PHACTR4: variants seen among roughly 807,000 people sequenced by gnomAD.
The protein encoded by PHACTR4 is phosphatase and actin regulator 4, also known as protein phosphatase 1, regulatory subunit 124.
In PHACTR4, 51 loss-of-function variants were observed where a neutral mutation model predicts 72.7. That is an observed-to-expected ratio of 0.70 (90% confidence interval 0.56 to 0.89). The LOEUF is 0.89. PHACTR4 is among the 40% of genes least tolerant of loss of function. The pLI, the probability that PHACTR4 is intolerant of heterozygous loss-of-function variation, is 0.00. For missense variants in PHACTR4, 731 were observed against 861.8 expected, an observed-to-expected ratio of 0.85 and a Z score of 1.90; for synonymous variants, 255 against 302.5, an observed-to-expected ratio of 0.84 and a Z score of 1.63.
Position 28,458,108 on chromosome 1 carries a change from TTGTGTGTG to T in PHACTR4, c.17-935_17-928del, listed in dbSNP as rs539564108. On this transcript the variant is annotated intron_variant, in intron 2 of 13. Transcript: ENST00000373839. ...ATCCTTAATATTATGGTGTGTGTGT[TTGTGTGTG>T]TGTGTGTGTGTGTGTGTGTGTGTGT... Among the ~76,000 whole-genome samples the T allele has an allele frequency of 7.5e-3, 908 of 120,336 alleles. 10 individuals are homozygous for T. Among genetic ancestry groups the T allele is most frequent in the South Asian group, 0.022 (82 of 3,802 alleles). The allele number at this position is 120,336 out of a possible 152,430, so 78.9% of individuals were successfully genotyped here.
At chr1:28,443,532 CA>C (rs1429594942) in intron 2 of PHACTR4, among the ~76,000 whole-genome samples, 18 of 152,114 alleles carry the variant, frequency 1.2e-4, no homozygotes, top group Non-Finnish European at 2.2e-4. Flanking sequence ...ACTGCAGCTT[CA>C]GCCTCCTAGA....
At chr1:28,454,318 C>T (rs1658207817) in intron 2 of PHACTR4, among the ~76,000 whole-genome samples, 1 of 146,872 alleles carries the variant, frequency 6.8e-6, no homozygotes. Context: ...GCTCTGTCGC[C>T]CAGGCTGGAG....
chr1:28,448,592 A>T (rs1657656886), intron 2 of PHACTR4, among the ~76,000 whole-genome samples: 2 of 118,494 alleles, frequency 1.7e-5, no homozygotes, highest in African/African-American at 4.9e-5. Context: ...CTCTACTTAA[A>T]AAAAAAAAAA....
chr1:28,447,501 T>C (rs1657572411), intron 2 of PHACTR4, among the ~76,000 whole-genome samples: 1 of 151,794 alleles, frequency 6.6e-6, no homozygotes, highest in Non-Finnish European at 1.5e-5. Flanking sequence ...GTGATTCTCC[T>C]GCCTCAGCCT....
Position 28,495,277 on chromosome 1 carries a change from T to A in PHACTR4, c.2094-1257T>A, listed in dbSNP as rs866069716. On this transcript the variant is annotated intron_variant, in intron 13 of 13. Transcript: ENST00000373839. Reference sequence around the variant, plus strand: ...CCTCAATGAGGCTTTATTCTTTTTTTTTCTTTTTTTAATAGAGATGGGGTC... The same window carrying A: ...CCTCAATGAGGCTTTATTCTTTTTTATTCTTTTTTTAATAGAGATGGGGTC... Among the ~76,000 whole-genome samples the A allele has an allele frequency of 3.3e-5, 5 of 152,280 alleles. No individual in the cohort carries two copies. The South Asian group carries it at 8.3e-4, about 25-fold the overall frequency.
intron 13 of PHACTR4, among the ~76,000 whole-genome samples, chr1:28,495,841 T>A (rs1487543512): frequency 2.0e-5 from 3 of 151,872 alleles, no homozygotes; most frequent in Non-Finnish European, 4.4e-5. Flanking sequence ...GCTCTCAAAC[T>A]CCTGGTCTCA....
At chr1:28,449,201 A>G (rs1485832853) in intron 2 of PHACTR4, among the ~76,000 whole-genome samples, 1 of 151,916 alleles carries the variant, frequency 6.6e-6, no homozygotes, top group East Asian at 1.9e-4. Flanking sequence ...GTGCACCCCT[A>G]GAGCCCCAGT....
chr1:28,370,284 G>C (rs1011824924), intron 1 of PHACTR4, among the ~76,000 whole-genome samples: 1 of 152,196 alleles, frequency 6.6e-6, no homozygotes, highest in Admixed American at 6.5e-5. Flanking sequence ...GGGCAGAACG[G>C]GGGCTTCGGA....
At chr1:28,485,930 C>A (rs1660615729) in intron 9 of PHACTR4, among the ~76,000 whole-genome samples, 1 of 151,872 alleles carries the variant, frequency 6.6e-6, no homozygotes, top group East Asian at 1.9e-4. Flanking sequence ...CTGTATTGTA[C>A]ACTTAAAAGT....
At chr1:28,456,993 G>A (rs144154679) in intron 2 of PHACTR4, among the ~76,000 whole-genome samples, 2 of 152,200 alleles carry the variant, frequency 1.3e-5, no homozygotes, top group East Asian at 3.9e-4. Flanking sequence ...AAGTAATTGA[G>A]ACCCAGAATG....
chr1:28,395,870 C>T (rs1411920174), intron 1 of PHACTR4, among the ~76,000 whole-genome samples: 1 of 117,408 alleles, frequency 8.5e-6, no homozygotes, highest in Non-Finnish European at 1.6e-5. Context: ...ACCGTGTTAG[C>T]CAGGATGGTC....
chr1:28,413,522 A>T (rs139089824), intron 2 of PHACTR4, among the ~76,000 whole-genome samples: 1,798 of 152,290 alleles, frequency 0.012, 8 homozygotes, highest in Non-Finnish European at 0.017. Context: ...ACCTCCTGGA[A>T]TAATTATCTA....
chr1:28,401,320 T>TG (rs1417223689), intron 1 of PHACTR4, among the ~76,000 whole-genome samples: 14 of 123,308 alleles, frequency 1.1e-4, no homozygotes, highest in Non-Finnish European at 1.4e-4. Flanking sequence ...TTTTTTTTTT[T>TG]GGGGGGGATG....
chr1:28,479,623 C>T (rs1660148613), intron 8 of PHACTR4, among the ~76,000 whole-genome samples: 1 of 150,606 alleles, frequency 6.6e-6, no homozygotes, highest in East Asian at 2.0e-4. Flanking sequence ...TGGTGGCTCA[C>T]GCCTATAATC....
At chr1:28,439,841 T>G (rs987873986) in intron 2 of PHACTR4, among the ~76,000 whole-genome samples, 7 of 152,310 alleles carry the variant, frequency 4.6e-5, no homozygotes, top group African/African-American at 1.7e-4. Context: ...ACGCCAAACA[T>G]TAGTTGTTTG....
At chr1:28,405,032 G>C (rs536877233) in intron 1 of PHACTR4, among the ~76,000 whole-genome samples, 2 of 152,090 alleles carry the variant, frequency 1.3e-5, no homozygotes, top group African/African-American at 2.4e-5. Context: ...ATCATAATGG[G>C]TGTAAAGTGT....
intron 3 of PHACTR4, among the ~76,000 whole-genome samples, chr1:28,459,686 G>A (rs1410756329): frequency 6.6e-6 from 1 of 152,098 alleles, no homozygotes; most frequent in Non-Finnish European, 1.5e-5. Context: ...ACAAGCATGA[G>A]CCACTGTGGC....
chr1:28,491,755 A>C lies in PHACTR4; in HGVS notation c.1984A>C (p.Lys662Gln). The change falls in exon 12 of 14, where the codon AAA becomes CAA. Residue 662 changes from lysine (K) to glutamine (Q), a missense_variant. Lys to Gln is a moderately conservative substitution (Grantham distance 53). This residue lies in a region of PHACTR4 where 110 missense variants were observed against 185.2 expected (regional missense o/e 0.59). Coordinates refer to ENST00000373839, the MANE Select transcript of PHACTR4 (RefSeq NM_001048183.3). Reference protein sequence around the residue: ...DAQDYDRRADKPWTKLTPADK... With the variant: ...DAQDYDRRADQPWTKLTPADK... ...TCAAGATTATGACCGGCGAGCCGAC[A>C]AACCTTGGACCAAACTGACCCCTGC... is the stretch of plus-strand genomic sequence containing the variant. 6.2e-7 allele frequency: 1 copy of C among 1,614,156 alleles called. No homozygotes were observed. Among genetic ancestry groups the C allele is most frequent in the African/African-American group, 1.3e-5 (1 of 75,056 alleles).
Position 28,460,268 on chromosome 1 carries a change from G to A in PHACTR4, c.247G>A (p.Val83Ile). The A allele has an allele frequency of 6.2e-7, 1 of 1,613,732 alleles. No homozygotes were observed. The highest frequency in any genetic ancestry group is 8.5e-7 in the Non-Finnish European group (1 of 1,179,756). Residue 83 changes from valine (V) to isoleucine (I), a missense_variant, in exon 4 of 14, where the codon GTT becomes ATT. By Grantham distance (29) the Val-to-Ile change is conservative. This residue lies in a region of PHACTR4 where 621 missense variants were observed against 676.6 expected (regional missense o/e 0.92). Transcript: ENST00000373839. Reference sequence around the variant, plus strand: ...AAGAGAAGAGCTGGTTAAAAGAGGGGTTCTGTTGGAAGACCCTGAGCAAGG... The same window carrying A: ...AAGAGAAGAGCTGGTTAAAAGAGGGATTCTGTTGGAAGACCCTGAGCAAGG... ...KPREELVKRG[V>I]LLEDPEQGGE...
Sources: gnomAD v4.1 joint callset for allele counts (sites outside exome capture counted in the v4.1 genomes callset) on GRCh38, gnomAD v4.1.1 for gene constraint, gnomAD v4.1.1 regional missense constraint, MANE v1.5 for transcripts, NCBI Gene and HGNC (gene_info 2026-07-23, HGNC 2026-07-21) for gene names.